BNC2: variants seen among roughly 807,000 people sequenced by gnomAD.
BNC2 encodes the protein basonuclin zinc finger protein 2.
A neutral mutation model predicts 76.3 loss-of-function variants in BNC2; 20 were observed. That is an observed-to-expected ratio of 0.26 (90% CI 0.18 to 0.38). The LOEUF (loss-of-function observed/expected upper bound fraction) is 0.38. Ranked by LOEUF, BNC2 falls within the 10% of genes least tolerant of loss-of-function variation. The probability of loss-of-function intolerance (pLI) is 1.00; values close to 1 mark genes in which losing one functional copy is unlikely to be tolerated. For missense variants in BNC2, 1,382 were observed against 1,399.8 expected (o/e 0.99, Z 0.20); for synonymous variants, 582 against 514.8 (o/e 1.13, Z -1.77).
At chr9:16,650,411 A>G (rs1245344595) in intron 3 of BNC2, among the ~76,000 whole-genome samples, 1 of 152,142 alleles carries the variant, frequency 6.6e-6, no homozygotes, top group Non-Finnish European at 1.5e-5. Flanking sequence ...GTTTTTACCT[A>G]TTCTTTAAAG....
intron 2 of BNC2, among the ~76,000 whole-genome samples, chr9:16,730,588 C>G (rs1457246363): frequency 6.6e-6 from 1 of 152,148 alleles, no homozygotes; most frequent in Non-Finnish European, 1.5e-5. Context: ...GGTTATTAGG[C>G]TGACTAGCTA....
chr9:16,672,609 C>A (rs2134194495), intron 3 of BNC2, among the ~76,000 whole-genome samples: 1 of 152,332 alleles, frequency 6.6e-6, no homozygotes, highest in East Asian at 1.9e-4. Context: ...CACTCATAAT[C>A]ACCCTATGCA....
chr9:16,842,899 G>GCAC (rs1233186244), intron 1 of BNC2, among the ~76,000 whole-genome samples: 1 of 152,068 alleles, frequency 6.6e-6, no homozygotes, highest in Non-Finnish European at 1.5e-5. Flanking sequence ...TTACAGGTGT[G>GCAC]CACCACCACA....
At chr9:16,639,924 T>C (rs1259048173) in intron 3 of BNC2, among the ~76,000 whole-genome samples, 1 of 147,138 alleles carries the variant, frequency 6.8e-6, no homozygotes, top group Non-Finnish European at 1.5e-5. Flanking sequence ...CCTGTCTCAT[T>C]AAAAAAAAAA....
At chr9:16,533,051 A>C (rs1057092695) in intron 5 of BNC2, among the ~76,000 whole-genome samples, 1 of 152,236 alleles carries the variant, frequency 6.6e-6, no homozygotes, top group African/African-American at 2.4e-5. Context: ...TTGTAAATAT[A>C]CACTCATTTA....
chr9:16,802,822 G>A (rs1817815807), intron 1 of BNC2, among the ~76,000 whole-genome samples: 1 of 152,170 alleles, frequency 6.6e-6, no homozygotes, highest in Non-Finnish European at 1.5e-5. Context: ...TTGGAAATAG[G>A]CAAAGCAAGT....
At chr9:16,776,330 G>T (rs1188557329) in intron 1 of BNC2, among the ~76,000 whole-genome samples, 7 of 152,122 alleles carry the variant, frequency 4.6e-5, no homozygotes, top group Non-Finnish European at 1.0e-4. Flanking sequence ...AGTAGAGACG[G>T]GGTTTCACCA....
chr9:16,458,762 T>C (rs1362098314), intron 5 of BNC2, among the ~76,000 whole-genome samples: 1 of 152,216 alleles, frequency 6.6e-6, no homozygotes, highest in Non-Finnish European at 1.5e-5. Flanking sequence ...CAACTACTGT[T>C]TACTAAGCAC....
intron 5 of BNC2, 88 bp from the exon 6 acceptor site, chr9:16,437,612 T>C (rs1485706794): frequency 2.0e-6 from 3 of 1,474,958 alleles, no homozygotes; most frequent in African/African-American, 1.4e-5. Context: ...AGGTGCTCTG[T>C]GTGCTCATAA....
intron 4 of BNC2, among the ~76,000 whole-genome samples, chr9:16,571,865 T>C (rs1461470563): frequency 6.6e-6 from 1 of 152,150 alleles, no homozygotes; most frequent in Admixed American, 6.6e-5. Context: ...GAAGAACTGC[T>C]TGTCAGAGTT....
At chr9:16,470,110 G>T (rs766145511) in intron 5 of BNC2, among the ~76,000 whole-genome samples, 2 of 147,634 alleles carry the variant, frequency 1.4e-5, no homozygotes, top group Non-Finnish European at 3.0e-5. Context: ...CCATTCTCCT[G>T]CCTCAGCCTC....
chr9:16,457,026 G>A (rs1821466574), intron 5 of BNC2, among the ~76,000 whole-genome samples: 1 of 152,138 alleles, frequency 6.6e-6, no homozygotes, highest in Non-Finnish European at 1.5e-5. Context: ...GAGACAAAGA[G>A]AACGAACATT....
intron 3 of BNC2, among the ~76,000 whole-genome samples, chr9:16,690,045 T>C (rs964245166): frequency 6.6e-6 from 1 of 152,178 alleles, no homozygotes; most frequent in South Asian, 2.1e-4. Flanking sequence ...TATATCTCCA[T>C]TTTTCAGCCT....
chr9:16,741,921 G>A (rs1248804595), intron 1 of BNC2, among the ~76,000 whole-genome samples: 2 of 121,558 alleles, frequency 1.6e-5, no homozygotes, highest in African/African-American at 6.3e-5. Flanking sequence ...TCACGCCACT[G>A]CACTGCAGCC....
chr9:16,575,560 CAG>C (rs1186254271), intron 4 of BNC2, among the ~76,000 whole-genome samples: 1 of 152,166 alleles, frequency 6.6e-6, no homozygotes, highest in East Asian at 1.9e-4. Context: ...AAAAGCTGCT[CAG>C]AGACACAATA....
intron 3 of BNC2, among the ~76,000 whole-genome samples, chr9:16,605,087 A>T (rs1465052009): frequency 1.3e-5 from 2 of 152,232 alleles, no homozygotes; most frequent in Non-Finnish European, 2.9e-5. Flanking sequence ...AGAATAAGTC[A>T]GTATTTCAAA....
At chr9:16,439,253 G>A (rs1821079779) in intron 5 of BNC2, among the ~76,000 whole-genome samples, 1 of 152,056 alleles carries the variant, frequency 6.6e-6, no homozygotes, top group Non-Finnish European at 1.5e-5. Flanking sequence ...CAAACACATT[G>A]TAAAAATTTT....
chr9:16,795,896 A>C (rs1488379255), intron 1 of BNC2, among the ~76,000 whole-genome samples: 1 of 152,192 alleles, frequency 6.6e-6, no homozygotes, highest in Non-Finnish European at 1.5e-5. Flanking sequence ...CATGGTTAGG[A>C]AGAGAAAAAG....
chr9:16,470,285 C>G (rs1587066365), intron 5 of BNC2, among the ~76,000 whole-genome samples: 1 of 152,158 alleles, frequency 6.6e-6, no homozygotes, highest in East Asian at 1.9e-4. Context: ...GCATGAGCCA[C>G]CATGCCCAGC....
Sources: gnomAD v4.1 joint callset for allele counts (sites outside exome capture counted in the v4.1 genomes callset) on GRCh38, gnomAD v4.1.1 for gene constraint, MANE v1.5 for transcripts, NCBI Gene and HGNC (gene_info 2026-07-23, HGNC 2026-07-21) for gene names.